PRKG1: variants seen among roughly 807,000 people sequenced by gnomAD.
PRKG1 encodes the protein cGMP-dependent protein kinase 1.
Under a neutral mutation model 88.1 loss-of-function variants are expected in PRKG1, and 35 were observed. The observed-to-expected ratio is 0.40, with a 90% CI of 0.30 to 0.53. The LOEUF is 0.53. PRKG1 is among the 20% of genes least tolerant of loss of function. The probability of loss-of-function intolerance (pLI) is 0.59; values close to 1 mark genes in which losing one functional copy is unlikely to be tolerated. For synonymous variants in PRKG1, 303 were observed against 292.5 expected, an observed-to-expected ratio of 1.04 and a Z score of -0.37; for missense variants, 540 against 839.8, an observed-to-expected ratio of 0.64 and a Z score of 4.41.
At chr10:51,080,778 C>T (rs1221555188) in intron 1 of PRKG1, among the ~76,000 whole-genome samples, 3 of 152,228 alleles carry the variant, frequency 2.0e-5, no homozygotes, top group African/African-American at 7.2e-5. Flanking sequence ...TCTGCTTCCT[C>T]ACACTCAGTT....
intron 2 of PRKG1, among the ~76,000 whole-genome samples, chr10:51,340,116 T>C (rs1841972617): frequency 1.3e-5 from 2 of 152,152 alleles, no homozygotes; most frequent in Admixed American, 6.5e-5. Context: ...ATCCATTGAC[T>C]TTTTGAAATA....
chr10:51,113,154 G>A (rs140702638), intron 1 of PRKG1, among the ~76,000 whole-genome samples: 240 of 152,256 alleles, frequency 1.6e-3, no homozygotes, highest in African/African-American at 5.5e-3. Context: ...GCTGGAAAAA[G>A]CATTTAGCTT....
At chr10:51,418,454 C>T (rs901205445) in intron 2 of PRKG1, among the ~76,000 whole-genome samples, 4 of 152,158 alleles carry the variant, frequency 2.6e-5, no homozygotes, top group Non-Finnish European at 5.9e-5. Context: ...TAACTAAGGT[C>T]ACTCAACATG....
chr10:51,993,785 T>C (rs773746744), intron 5 of PRKG1, among the ~76,000 whole-genome samples: 1 of 152,228 alleles, frequency 6.6e-6, no homozygotes, highest in Non-Finnish European at 1.5e-5. Flanking sequence ...ATTGTCAGGT[T>C]GACTTCAAGC....
intron 3 of PRKG1, among the ~76,000 whole-genome samples, chr10:51,479,116 T>G (rs1564515587): frequency 6.6e-6 from 1 of 151,832 alleles, no homozygotes; most frequent in Non-Finnish European, 1.5e-5. Context: ...TGTGCTTTCT[T>G]TTTTTTTCAA....
At chr10:51,104,062 GTGTT>G (rs1425888042) in intron 1 of PRKG1, among the ~76,000 whole-genome samples, 9 of 152,200 alleles carry the variant, frequency 5.9e-5, no homozygotes, top group Non-Finnish European at 1.3e-4. Flanking sequence ...GGAAGTCTGT[GTGTT>G]TGTTTGTGTG....
At chr10:51,692,462 C>T (rs767242454) in intron 3 of PRKG1, among the ~76,000 whole-genome samples, 4 of 152,044 alleles carry the variant, frequency 2.6e-5, no homozygotes, top group African/African-American at 4.8e-5. Context: ...CCAGGATGGT[C>T]TGAATCTCCT....
chr10:51,535,030 T>C (rs1185114501), intron 3 of PRKG1, among the ~76,000 whole-genome samples: 2 of 152,208 alleles, frequency 1.3e-5, no homozygotes, highest in Non-Finnish European at 2.9e-5. Context: ...ATATGAATTA[T>C]CACAGAAAAA....
chr10:52,074,619 T>C (rs1309018889), intron 7 of PRKG1, among the ~76,000 whole-genome samples: 1 of 152,226 alleles, frequency 6.6e-6, no homozygotes, highest in East Asian at 1.9e-4. Context: ...GTGTTTTGTG[T>C]CTCTGTCATT....
At chr10:51,934,257 C>A (rs55768608) in intron 5 of PRKG1, among the ~76,000 whole-genome samples, 41,278 of 149,762 alleles carry the variant, frequency 0.28, 6,217 homozygotes, top group African/African-American at 0.39. Context: ...CACACATACC[C>A]CCCCCCCAAC....
intron 4 of PRKG1, among the ~76,000 whole-genome samples, chr10:51,881,724 G>T (rs1430716541): frequency 6.6e-6 from 1 of 152,132 alleles, no homozygotes; most frequent in African/African-American, 2.4e-5. Context: ...TTGTTTTGAG[G>T]CAGTATACCA....
At chr10:51,088,943 G>C (rs970835864) in intron 1 of PRKG1, among the ~76,000 whole-genome samples, 3 of 151,326 alleles carry the variant, frequency 2.0e-5, no homozygotes, top group Non-Finnish European at 4.4e-5. Context: ...GAATTTCCAA[G>C]CATGTTTGGT....
chr10:51,347,785 G>C (rs1259773357), intron 2 of PRKG1, among the ~76,000 whole-genome samples: 1 of 152,012 alleles, frequency 6.6e-6, no homozygotes, highest in African/African-American at 2.4e-5. Flanking sequence ...ACAAAGGCTG[G>C]GCGCGGTGGC....
chr10:51,242,204 C>G (rs150278398), intron 2 of PRKG1, among the ~76,000 whole-genome samples: 1 of 151,974 alleles, frequency 6.6e-6, no homozygotes, highest in African/African-American at 2.4e-5. Context: ...AATAACCAAG[C>G]GCAAGTGTCA....
chr10:51,287,815 TA>T (rs1840481118), intron 2 of PRKG1, among the ~76,000 whole-genome samples: 1 of 152,226 alleles, frequency 6.6e-6, no homozygotes, highest in African/African-American at 2.4e-5. Context: ...TTTTCTCATT[TA>T]TTTGCCTTTT....
chr10:51,872,234 C>CT (rs1841176222), intron 4 of PRKG1, among the ~76,000 whole-genome samples: 2 of 152,182 alleles, frequency 1.3e-5, no homozygotes, highest in South Asian at 4.1e-4. Context: ...AATTTCTTAG[C>CT]TGTCGTATGA....
At chr10:52,170,171 C>T (rs926165888) in intron 9 of PRKG1, among the ~76,000 whole-genome samples, 27 of 152,250 alleles carry the variant, frequency 1.8e-4, no homozygotes, top group Non-Finnish European at 3.5e-4. Flanking sequence ...CTGCAAGGAT[C>T]GCTTAAGCCT....
At chr10:51,755,711 C>T (rs1227639281) in intron 3 of PRKG1, among the ~76,000 whole-genome samples, 4 of 152,188 alleles carry the variant, frequency 2.6e-5, no homozygotes, top group Non-Finnish European at 5.9e-5. Flanking sequence ...GTATTGCAGA[C>T]TGATGGATCC....
At chr10:51,807,111 G>A (rs947151329) in intron 4 of PRKG1, among the ~76,000 whole-genome samples, 2 of 152,032 alleles carry the variant, frequency 1.3e-5, no homozygotes, top group African/African-American at 2.4e-5. Flanking sequence ...TAGAACTAGG[G>A]TTATTTCTTA....
Sources: gnomAD v4.1 joint callset for allele counts (sites outside exome capture counted in the v4.1 genomes callset) on GRCh38, gnomAD v4.1.1 for gene constraint, MANE v1.5 for transcripts, NCBI Gene and HGNC (gene_info 2026-07-23, HGNC 2026-07-21) for gene names.